CCDC127: variants seen among roughly 807,000 people sequenced by gnomAD.
CCDC127 encodes the protein coiled-coil domain containing 127.
CCDC127 carries 2 observed loss-of-function variants against 4.1 expected under a neutral mutation model. That is an observed-to-expected ratio of 0.49 (90% CI 0.20 to 1.53). The LOEUF is 1.53. Among genes scored for constraint, CCDC127 ranks in the 40% most tolerant of loss-of-function variants. The pLI is 0.23. For missense variants in CCDC127, 271 were observed against 322.9 expected, an observed-to-expected ratio of 0.84 and a Z score of 1.23; for synonymous variants, 98 against 120.4, an observed-to-expected ratio of 0.81 and a Z score of 1.22.
intron 2 of CCDC127, among the ~76,000 whole-genome samples, chr5:207,358 CA>C (rs1253259275): frequency 6.6e-6 from 1 of 152,150 alleles, no homozygotes; most frequent in Admixed American, 6.5e-5. Flanking sequence ...AGCTCACAGG[CA>C]GGGGCCTGAC....
rs1238839223 is a variant in CCDC127, at chr5:205,190, G to A, written c.*107C>T. 4 of 1,022,222 alleles carry A rather than the reference G, an allele frequency of 3.9e-6. No individual in the cohort carries two copies. The African/African-American group carries it at 6.4e-5, about 16-fold the overall frequency. The allele number at this position is 1,022,222 out of a possible 1,614,324, so 63.3% of individuals were successfully genotyped here. On this transcript the variant is annotated 3_prime_UTR_variant, in exon 3 of 3. Coordinates refer to ENST00000296824, the MANE Select transcript of CCDC127 (RefSeq NM_145265.3). ...TGGAGGTCGCTGCTGAAGGGTGACGGTGTGGCCATGACACGGGCAGCACGG... is the reference window on the plus strand; with the variant it reads ...TGGAGGTCGCTGCTGAAGGGTGACGATGTGGCCATGACACGGGCAGCACGG...
In CCDC127 at chr5:205,911, C is replaced by G; in HGVS notation, c.169G>C (p.Glu57Gln). 1 of 1,614,034 alleles carries G rather than the reference C, an allele frequency of 6.2e-7. No individual in the cohort carries two copies. The highest frequency in any genetic ancestry group is 8.5e-7 in the Non-Finnish European group (1 of 1,179,954). ...GCAGCAGTTCTCCGACGGTAGGCTT[C>G]TCTCTCTTTTTCTACTTCTTTCTGG... ...ESQKEVEKER[E>Q]AYRRRTAAFQ... is the part of the protein sequence containing the mutation. Residue 57 changes from glutamate to glutamine, a missense_variant, in exon 3 of 3, where the codon GAA becomes CAA. Physicochemically the swap from Glu to Gln is conservative, Grantham distance 29 (BLOSUM62 2). Transcript: ENST00000296824.
chr5:217,626 G>A (rs1041023314), intron 1 of CCDC127, among the ~76,000 whole-genome samples: 1 of 152,004 alleles, frequency 6.6e-6, no homozygotes, highest in Admixed American at 6.6e-5. Context: ...TGTGAGGAAG[G>A]CAGGGAGGGG....
chr5:216,116 T>A (rs1307930298), intron 2 of CCDC127: 1 of 150,630 alleles, frequency 6.6e-6, no homozygotes, highest in Non-Finnish European at 1.5e-5. Context: ...AGTGGTGCCA[T>A]CTCCACTCAC....
At chr5:217,143 G>T in intron 1 of CCDC127, 11 of 179,434 alleles carry the variant, frequency 6.1e-5, no homozygotes, top group East Asian at 1.7e-4. Flanking sequence ...CAAAAAAAAA[G>T]AAAAAGAAAA....
At position 196,878 on chromosome 5, in the gene CCDC127, C is replaced by T. The variant is rs1241088467; in HGVS notation, c.*8419G>A. ...AAGTAAGACACAAAGTATAGAGAAA[C>T]AACAGTGGGCCCAGGGGACCGGCGC... On this transcript the variant is annotated 3_prime_UTR_variant, in exon 3 of 3. Coordinates refer to ENST00000296824, the MANE Select transcript of CCDC127 (RefSeq NM_145265.3). 4.0e-5 allele frequency: 6 copies of T among 149,594 alleles called. No individual in the cohort carries two copies. Among genetic ancestry groups the T allele is most frequent in the South Asian group, 2.1e-4 (1 of 4,692 alleles). 9.3% of individuals were successfully genotyped at this position (149,594 alleles called of 1,614,324 possible). A position where few individuals can be genotyped will look rare whatever the true frequency, so the allele number is the denominator to read the frequency against.
chr5:206,096 C>A lies in CCDC127; in HGVS notation c.122-138G>T, dbSNP rs1045351907. On this transcript the variant is annotated intron_variant, in intron 2 of 2. Coordinates refer to ENST00000296824, the MANE Select transcript of CCDC127 (RefSeq NM_145265.3). ...CTCGGCTGTACCAAGAAGATCACTTCTACGTGAAAATGTGTAACAGGCCAA... is the reference window on the plus strand; with the variant it reads ...CTCGGCTGTACCAAGAAGATCACTTATACGTGAAAATGTGTAACAGGCCAA... 59 of 791,142 alleles carry A rather than the reference C, an allele frequency of 7.5e-5. No individual in the cohort carries two copies. The Middle Eastern group carries it at 2.4e-3, about 32-fold the overall frequency. 49.0% of individuals were successfully genotyped at this position (791,142 alleles called of 1,614,324 possible). A position where few individuals can be genotyped will look rare whatever the true frequency, so the allele number is the denominator to read the frequency against.
chr5:213,642 C>T (rs575751902), intron 2 of CCDC127, among the ~76,000 whole-genome samples: 36 of 151,196 alleles, frequency 2.4e-4, no homozygotes, highest in South Asian at 1.3e-3. Context: ...GCTGCAGCCA[C>T]GATGAGACAG....
intron 1 of CCDC127, chr5:217,405 T>C (rs1246027326): frequency 2.6e-5 from 4 of 154,028 alleles, no homozygotes; most frequent in Admixed American, 6.4e-5. Flanking sequence ...TGGATGAGAT[T>C]AGCAATTGAA....
In CCDC127 at chr5:196,964, T is replaced by TTAC. The variant is rs1733957815; in HGVS notation, c.*8332_*8333insGTA. ...TGAGTTCCCTCAGTTTTTATTATTA[T>TTAC]TTTCATTATTTCAGCAAAAAGGAAT... is the stretch of plus-strand genomic sequence containing the variant. On this transcript the variant is annotated 3_prime_UTR_variant, in exon 3 of 3. Transcript: ENST00000296824. 1 of 144,502 alleles carries TTAC rather than the reference T, an allele frequency of 6.9e-6. No homozygotes were observed. Among genetic ancestry groups the TTAC allele is most frequent in the Non-Finnish European group, 1.5e-5 (1 of 65,300 alleles). 9.0% of individuals were successfully genotyped at this position (144,502 alleles called of 1,614,324 possible). A position where few individuals can be genotyped will look rare whatever the true frequency, so the allele number is the denominator to read the frequency against.
intron 2 of CCDC127, among the ~76,000 whole-genome samples, chr5:207,625 G>T (rs1008500340): frequency 6.6e-6 from 1 of 152,190 alleles, no homozygotes; most frequent in African/African-American, 2.4e-5. Flanking sequence ...TGGGGACGGG[G>T]CTTATGTCAA....
chr5:213,222 C>A (rs1414644589), intron 2 of CCDC127, among the ~76,000 whole-genome samples: 1 of 89,752 alleles, frequency 1.1e-5, no homozygotes, highest in Admixed American at 1.1e-4. Flanking sequence ...ACACACCCAT[C>A]AGGATGGGGC....
intron 2 of CCDC127, among the ~76,000 whole-genome samples, chr5:208,364 G>A (rs1415002762): frequency 1.3e-5 from 2 of 152,160 alleles, no homozygotes. Flanking sequence ...AAATCTCAAC[G>A]GGTGCAGACA....
At chr5:213,981 C>T (rs1226081807) in intron 2 of CCDC127, 3 of 152,216 alleles carry the variant, frequency 2.0e-5, no homozygotes, top group Non-Finnish European at 4.4e-5. Flanking sequence ...GTGGTACGTC[C>T]ATGTCATAAA....
Position 202,054 on chromosome 5 carries a change from C to A in CCDC127, c.*3243G>T, listed in dbSNP as rs1206206616. On this transcript the variant is annotated 3_prime_UTR_variant, in exon 3 of 3. Coordinates refer to ENST00000296824, the MANE Select transcript of CCDC127 (RefSeq NM_145265.3). ...GATGTCGCTACAAATTCAGCACACA[C>A]ACCAACCAGCACAATTACCCTTTTC... 6.6e-6 allele frequency: 1 copy of A among 152,296 alleles called. No individual in the cohort carries two copies. The highest frequency in any genetic ancestry group is 2.4e-5 in the African/African-American group (1 of 41,462). The allele number at this position is 152,296 out of a possible 1,614,324, so 9.4% of individuals were successfully genotyped here.
At chr5:214,325 G>C (rs1231890580) in intron 2 of CCDC127, 1 of 152,106 alleles carries the variant, frequency 6.6e-6, no homozygotes, top group Non-Finnish European at 1.5e-5. Context: ...GAGGGTACAC[G>C]GGCTCTCTGC....
Position 205,200 on chromosome 5 carries a change from G to T in CCDC127, c.*97C>A. The T allele has an allele frequency of 1.7e-6, 2 of 1,151,290 alleles. No individual in the cohort carries two copies. Among genetic ancestry groups the T allele is most frequent in the Non-Finnish European group, 2.5e-6 (2 of 803,702 alleles). 71.3% of individuals were successfully genotyped at this position (1,151,290 alleles called of 1,614,324 possible). A position where few individuals can be genotyped will look rare whatever the true frequency, so the allele number is the denominator to read the frequency against. ...TGCTGAAGGGTGACGGTGTGGCCAT[G>T]ACACGGGCAGCACGGGAACGGAAGA... is the stretch of plus-strand genomic sequence containing the variant. On this transcript the variant is annotated 3_prime_UTR_variant, in exon 3 of 3. Transcript: ENST00000296824.
intron 1 of CCDC127, 129 bp from the exon 2 acceptor site, chr5:216,988 G>A (rs1308151652): frequency 2.7e-4 from 143 of 537,538 alleles, no homozygotes; most frequent in Non-Finnish European, 4.5e-4. Context: ...GACCAGAGCC[G>A]GGCATGGTGG....
rs902341725 is a variant in CCDC127, at chr5:203,597, T to C, written c.*1700A>G. On this transcript the variant is annotated 3_prime_UTR_variant, in exon 3 of 3. Coordinates refer to ENST00000296824, the MANE Select transcript of CCDC127 (RefSeq NM_145265.3). ...CTCTCATACTGCCACGTGGGCTCTA[T>C]GAGCTTAGGATTTTTAACAGTTGCT... The C allele has an allele frequency of 2.0e-5, 3 of 152,280 alleles. No individual in the cohort carries two copies. The highest frequency in any genetic ancestry group is 7.2e-5 in the African/African-American group (3 of 41,468). 9.4% of individuals were successfully genotyped at this position (152,280 alleles called of 1,614,324 possible).
Sources: gnomAD v4.1 joint callset for allele counts (sites outside exome capture counted in the v4.1 genomes callset) on GRCh38, gnomAD v4.1.1 for gene constraint, MANE v1.5 for transcripts, NCBI Gene and HGNC (gene_info 2026-07-23, HGNC 2026-07-21) for gene names.